PSMB7: variants seen among roughly 807,000 people sequenced by gnomAD.
The protein encoded by PSMB7 is proteasome subunit beta type-7.
Under a neutral mutation model 28.1 loss-of-function variants are expected in PSMB7, and 5 were observed. The ratio of observed to expected loss-of-function variants is 0.18; its 90% CI spans 0.09 to 0.37. PSMB7 has a LOEUF of 0.37. PSMB7 is among the 10% of genes least tolerant of loss of function. The pLI is 1.00. For synonymous variants in PSMB7, 122 were observed against 123.7 expected, an observed-to-expected ratio of 0.99 and a Z score of 0.09; for missense variants, 275 against 346.2, an observed-to-expected ratio of 0.79 and a Z score of 1.63.
At chr9:124,405,026 T>C (rs553406153) in intron 5 of PSMB7, among the ~76,000 whole-genome samples, 4 of 152,282 alleles carry the variant, frequency 2.6e-5, no homozygotes, top group Non-Finnish European at 5.9e-5. Flanking sequence ...TGTATTAATT[T>C]AGAATACCTG....
At chr9:124,373,357 A>G (rs140192541) in intron 6 of PSMB7, among the ~76,000 whole-genome samples, 22 of 152,340 alleles carry the variant, frequency 1.4e-4, no homozygotes, top group African/African-American at 5.3e-4. Context: ...AAATAAAGCC[A>G]GAGAGAAAAT....
At chr9:124,385,144 C>A (rs564051792) in intron 5 of PSMB7, among the ~76,000 whole-genome samples, 81 of 152,346 alleles carry the variant, frequency 5.3e-4, no homozygotes, top group Non-Finnish European at 1.0e-3. Context: ...GAAACTACCG[C>A]ACCAGCAATG....
chr9:124,400,959 T>C (rs867912478), intron 5 of PSMB7, among the ~76,000 whole-genome samples: 11 of 152,306 alleles, frequency 7.2e-5, no homozygotes, highest in African/African-American at 1.9e-4. Flanking sequence ...AGAAATTCTA[T>C]AGGCCCACGT....
At chr9:124,370,042 T>C (rs184833457) in intron 6 of PSMB7, among the ~76,000 whole-genome samples, 77 of 152,270 alleles carry the variant, frequency 5.1e-4, no homozygotes, top group Non-Finnish European at 9.8e-4. Context: ...GTGAATGGCA[T>C]GCAAGCCCAC....
In PSMB7 at chr9:124,356,630, G is replaced by C; in HGVS notation, c.722+134C>G. 2 of 1,022,280 alleles carry C rather than the reference G, an allele frequency of 2.0e-6. No homozygotes were observed. The highest frequency in any genetic ancestry group is 3.4e-5 in the South Asian group (2 of 58,386). The allele number at this position is 1,022,280 out of a possible 1,614,324, so 63.3% of individuals were successfully genotyped here. A position where few individuals can be genotyped will look rare whatever the true frequency, so the allele number is the denominator to read the frequency against. ...CAAGTAACAAGCCGAAGGTCTGTGT[G>C]GGAGGTTGATTTGGGAACACTGGAT... On this transcript the variant is annotated intron_variant, in intron 7 of 7. Coordinates refer to ENST00000259457, the MANE Select transcript of PSMB7 (RefSeq NM_002799.4). This position sits in a 1 kb window ranked among gnomAD's most constrained non-coding sequence, Gnocchi z 4.4.
intron 6 of PSMB7, among the ~76,000 whole-genome samples, chr9:124,359,174 T>G (rs1830444878): frequency 6.6e-6 from 1 of 152,248 alleles, no homozygotes; most frequent in Non-Finnish European, 1.5e-5. Flanking sequence ...AAGGCTTTTT[T>G]AAATTGGGAA....
At chr9:124,393,555 C>T (rs1327599302) in intron 5 of PSMB7, among the ~76,000 whole-genome samples, 1 of 152,184 alleles carries the variant, frequency 6.6e-6, no homozygotes, top group Non-Finnish European at 1.5e-5. Context: ...TGTAAGGCAT[C>T]CAACAATTTC....
At chr9:124,383,855 G>C (rs1830692084) in intron 6 of PSMB7, 1 of 152,208 alleles carries the variant, frequency 6.6e-6, no homozygotes, top group African/African-American at 2.4e-5. Flanking sequence ...TTAGCGGCCA[G>C]ATGTAGTGCC....
intron 4 of PSMB7, among the ~76,000 whole-genome samples, chr9:124,406,385 C>A (rs763500549): frequency 6.6e-6 from 1 of 151,522 alleles, no homozygotes; most frequent in Non-Finnish European, 1.5e-5. Context: ...ACCTGTAGTC[C>A]CAGATACTTG....
chr9:124,374,990 A>T (rs1830595672), intron 6 of PSMB7, among the ~76,000 whole-genome samples: 1 of 151,478 alleles, frequency 6.6e-6, no homozygotes, highest in South Asian at 2.1e-4. Context: ...AAAATACAAA[A>T]ATCAGCCGGG....
At chr9:124,406,375 A>T (rs933355579) in intron 4 of PSMB7, among the ~76,000 whole-genome samples, 1 of 151,628 alleles carries the variant, frequency 6.6e-6, no homozygotes, top group Admixed American at 6.6e-5. Context: ...GGTGGCATGT[A>T]CCTGTAGTCC....
At chr9:124,371,838 C>T (rs1355114701) in intron 6 of PSMB7, among the ~76,000 whole-genome samples, 1 of 152,196 alleles carries the variant, frequency 6.6e-6, no homozygotes, top group African/African-American at 2.4e-5. Context: ...ATCTAGCTCT[C>T]ACCTCTCTCT....
At chr9:124,393,410 T>G (rs879882958) in intron 5 of PSMB7, among the ~76,000 whole-genome samples, 1 of 152,246 alleles carries the variant, frequency 6.6e-6, no homozygotes. Flanking sequence ...GAGTAAGCAC[T>G]GAGTATTACA....
At chr9:124,409,187 G>A (rs1304118829) in intron 4 of PSMB7, among the ~76,000 whole-genome samples, 3 of 152,100 alleles carry the variant, frequency 2.0e-5, no homozygotes, top group African/African-American at 7.2e-5. Flanking sequence ...AGGAAGGGAA[G>A]AACTTAAGAG....
At chr9:124,376,059 C>T (rs898485657) in intron 6 of PSMB7, among the ~76,000 whole-genome samples, 9 of 152,078 alleles carry the variant, frequency 5.9e-5, no homozygotes, top group African/African-American at 1.4e-4. Context: ...CTAAATAAGA[C>T]GGAGGACAGA....
intron 6 of PSMB7, among the ~76,000 whole-genome samples, chr9:124,375,763 C>A (rs1290843988): frequency 2.0e-5 from 3 of 152,164 alleles, no homozygotes; most frequent in Middle Eastern, 3.2e-3. Flanking sequence ...GTGTTTGATG[C>A]CAACAGGGTT....
At chr9:124,402,284 G>T (rs2131175561) in intron 5 of PSMB7, among the ~76,000 whole-genome samples, 1 of 152,246 alleles carries the variant, frequency 6.6e-6, no homozygotes, top group Admixed American at 6.5e-5. Context: ...CACAAAGTTG[G>T]GCGGCAGAAG....
intron 6 of PSMB7, among the ~76,000 whole-genome samples, chr9:124,369,259 G>A (rs1002867815): frequency 3.9e-5 from 6 of 152,082 alleles, no homozygotes; most frequent in Admixed American, 3.3e-4. Context: ...TGAGGGGAGG[G>A]TAGTATAAAT....
chr9:124,408,455 A>C (rs952235704), intron 4 of PSMB7, among the ~76,000 whole-genome samples: 7 of 152,214 alleles, frequency 4.6e-5, no homozygotes, highest in Admixed American at 2.6e-4. Context: ...AAATTGGTTA[A>C]GTTGTAACAT....
Sources: allele counts gnomAD v4.1 joint callset (sites outside exome capture counted in the v4.1 genomes callset), GRCh38; gene constraint gnomAD v4.1.1; non-coding constraint Gnocchi (gnomAD v3.1); transcripts MANE v1.5; gene names NCBI Gene and HGNC (gene_info 2026-07-23, HGNC 2026-07-21).